SMARCC1: variants seen among roughly 807,000 people sequenced by gnomAD.
SMARCC1 encodes the protein SWI/SNF complex subunit SMARCC1.
SMARCC1 carries 43 observed loss-of-function variants against 147.4 expected under a neutral mutation model. The observed-to-expected ratio is 0.29, with a 90% CI of 0.23 to 0.38. The LOEUF (loss-of-function observed/expected upper bound fraction) is 0.38. SMARCC1 is among the 10% of genes least tolerant of loss of function. The probability of loss-of-function intolerance (pLI) is 1.00; values close to 1 mark genes in which losing one functional copy is unlikely to be tolerated. For synonymous variants in SMARCC1, 495 were observed against 484.4 expected, an observed-to-expected ratio of 1.02 and a Z score of -0.29; for missense variants, 1,119 against 1,381.1, an observed-to-expected ratio of 0.81 and a Z score of 3.01.
intron 12 of SMARCC1, among the ~76,000 whole-genome samples, chr3:47,690,558 A>T (rs1329112593): frequency 6.6e-6 from 1 of 152,254 alleles, no homozygotes; most frequent in African/African-American, 2.4e-5. Flanking sequence ...TGAGCAAAAT[A>T]GACAAACCAC....
intron 21 of SMARCC1, among the ~76,000 whole-genome samples, chr3:47,642,410 T>G (rs2033059966): frequency 6.6e-6 from 1 of 152,044 alleles, no homozygotes; most frequent in South Asian, 2.1e-4. Flanking sequence ...GCCAACATGG[T>G]GAAACCCCGT....
At chr3:47,629,352 A>C (rs2032855942) in intron 24 of SMARCC1, among the ~76,000 whole-genome samples, 1 of 152,224 alleles carries the variant, frequency 6.6e-6, no homozygotes, top group Admixed American at 6.5e-5. Context: ...TAATGAGATA[A>C]AGCCATGAGA....
intron 2 of SMARCC1, among the ~76,000 whole-genome samples, chr3:47,751,415 C>T (rs1014060759): frequency 6.6e-6 from 1 of 151,940 alleles, no homozygotes; most frequent in African/African-American, 2.4e-5. Flanking sequence ...GTGGCAGGCA[C>T]CTGTAGTCCC....
chr3:47,633,994 A>C (rs191221210), intron 24 of SMARCC1, among the ~76,000 whole-genome samples: 12 of 152,108 alleles, frequency 7.9e-5, no homozygotes, highest in Admixed American at 2.0e-4. Flanking sequence ...AAAACCGGAC[A>C]AATGGTGAAA....
chr3:47,631,301 T>C (rs1216332095), intron 24 of SMARCC1, among the ~76,000 whole-genome samples: 1 of 152,210 alleles, frequency 6.6e-6, no homozygotes, highest in Non-Finnish European at 1.5e-5. Context: ...TTTTGCCATT[T>C]TGGAAAACGT....
At chr3:47,748,466 C>T (rs951917755) in intron 2 of SMARCC1, among the ~76,000 whole-genome samples, 5 of 152,080 alleles carry the variant, frequency 3.3e-5, no homozygotes, top group Non-Finnish European at 5.9e-5. Flanking sequence ...TCAAGTGATC[C>T]GCCCACCTTG....
intron 1 of SMARCC1, among the ~76,000 whole-genome samples, chr3:47,777,980 C>T (rs1204471844): frequency 2.0e-5 from 3 of 151,124 alleles, no homozygotes; most frequent in African/African-American, 7.3e-5. Context: ...CTGAGGCTGG[C>T]GGATCACCTG....
Position 47,781,695 on chromosome 3 carries a change from C to G in SMARCC1, c.103G>C (p.Asp35His), listed in dbSNP as rs746335031. The change falls in exon 1 of 28, where the codon GAT becomes CAT. Residue 35 changes from aspartate to histidine, a missense_variant. This residue lies in a region of SMARCC1 where 542 missense variants were observed against 611.8 expected (regional missense o/e 0.89). Transcript: ENST00000254480. ...CAAAACTTGGTGGCCGGGCCCCCAT[C>G]CTTCCGTCGATAAACAGCTAGGCCT... Reference protein sequence around the residue: ...AAGLAVYRRKDGGPATKFWES... With the variant: ...AAGLAVYRRKHGGPATKFWES... 3 of 1,563,162 alleles carry G rather than the reference C, an allele frequency of 1.9e-6. No individual in the cohort carries two copies. The highest frequency in any genetic ancestry group is 2.6e-6 in the Non-Finnish European group (3 of 1,158,600).
At chr3:47,716,415 CAA>C (rs776727634) in intron 7 of SMARCC1, among the ~76,000 whole-genome samples, 1,011 of 51,842 alleles carry the variant, frequency 0.02, 8 homozygotes, top group African/African-American at 0.072. Flanking sequence ...GACTCCATCT[CAA>C]AAAAAAAAAA....
chr3:47,615,595 A>G (rs2032629741), intron 25 of SMARCC1, among the ~76,000 whole-genome samples: 1 of 151,958 alleles, frequency 6.6e-6, no homozygotes, highest in Non-Finnish European at 1.5e-5. Context: ...CCATCCTTTA[A>G]CTTCCTTAAG....
intron 24 of SMARCC1, 36 bp downstream of exon 24, chr3:47,635,154 T>C (rs1291755182): frequency 1.3e-6 from 2 of 1,597,694 alleles, no homozygotes; most frequent in Non-Finnish European, 1.7e-6. Flanking sequence ...ATTCATGCCT[T>C]AAGAGAGCAC....
chr3:47,748,017 G>T (rs898865077), intron 2 of SMARCC1, among the ~76,000 whole-genome samples: 1 of 151,990 alleles, frequency 6.6e-6, no homozygotes, highest in Admixed American at 6.6e-5. Context: ...AATTAGCCAG[G>T]CATGGTGGCG....
chr3:47,742,483 T>C (rs1034020688), intron 3 of SMARCC1, among the ~76,000 whole-genome samples: 1 of 152,186 alleles, frequency 6.6e-6, no homozygotes, highest in Non-Finnish European at 1.5e-5. Context: ...TTCAACTCTA[T>C]ACAAAGTTTT....
chr3:47,778,321 T>C (rs1576440158), intron 1 of SMARCC1, among the ~76,000 whole-genome samples: 1 of 152,152 alleles, frequency 6.6e-6, no homozygotes, highest in East Asian at 1.9e-4. Flanking sequence ...TGTTTCGTTT[T>C]GTTTTGAGAC....
intron 19 of SMARCC1, among the ~76,000 whole-genome samples, chr3:47,663,186 G>A (rs1245693200): frequency 2.2e-4 from 18 of 83,030 alleles, no homozygotes; most frequent in Non-Finnish European, 3.9e-4. Context: ...AGGGGAGAGG[G>A]GAGGGGAGGG....
intron 24 of SMARCC1, among the ~76,000 whole-genome samples, chr3:47,632,262 G>T (rs946132068): frequency 2.6e-5 from 4 of 151,964 alleles, no homozygotes; most frequent in Non-Finnish European, 5.9e-5. Flanking sequence ...ACAGCTATGA[G>T]GCCAGAGGAA....
chr3:47,609,295 G>A (rs988078193), intron 26 of SMARCC1, among the ~76,000 whole-genome samples: 1 of 152,166 alleles, frequency 6.6e-6, no homozygotes, highest in Non-Finnish European at 1.5e-5. Flanking sequence ...AGGAGATCGA[G>A]ACCATCCTGG....
intron 19 of SMARCC1, among the ~76,000 whole-genome samples, chr3:47,667,498 G>A (rs1310549221): frequency 6.6e-6 from 1 of 152,210 alleles, no homozygotes; most frequent in Non-Finnish European, 1.5e-5. Context: ...GAATCAGTGA[G>A]CTCACAAATT....
chr3:47,590,879 G>A (rs1247149568), intron 26 of SMARCC1, 42 bp from the exon 27 acceptor site: 1 of 1,541,660 alleles, frequency 6.5e-7, no homozygotes, highest in Non-Finnish European at 8.8e-7. Flanking sequence ...TACTAGAAAG[G>A]GGTGTAAGAA....
Sources: allele counts gnomAD v4.1 joint callset (sites outside exome capture counted in the v4.1 genomes callset), GRCh38; gene constraint gnomAD v4.1.1; regional missense constraint gnomAD v4.1.1; transcripts MANE v1.5; gene names NCBI Gene and HGNC (gene_info 2026-07-23, HGNC 2026-07-21).